Variants in COBL observed in about 807,000 individuals in gnomAD.
COBL encodes the protein protein cordon-bleu.
Under a neutral mutation model 98.8 loss-of-function variants are expected in COBL, and 51 were observed. The ratio of observed to expected loss-of-function variants is 0.52; its 90% CI spans 0.41 to 0.65. The LOEUF is 0.65. Ranked by LOEUF, COBL falls within the 30% of genes least tolerant of loss-of-function variation. COBL has a pLI of 0.00. For synonymous variants in COBL, 634 were observed against 651.7 expected (o/e 0.97, Z 0.41); for missense variants, 1,617 against 1,617.5 (o/e 1.00, Z 0.01).
chr7:51,269,828 T>C (rs1798594275), intron 1 of COBL, among the ~76,000 whole-genome samples: 1 of 152,186 alleles, frequency 6.6e-6, no homozygotes, highest in Admixed American at 6.5e-5. Flanking sequence ...CAAGAAACCC[T>C]GGTCAAGAGA....
intron 6 of COBL, among the ~76,000 whole-genome samples, chr7:51,113,100 A>C (rs934753941): frequency 6.6e-6 from 1 of 152,208 alleles, no homozygotes; most frequent in Non-Finnish European, 1.5e-5. Flanking sequence ...TTGGAGAGGT[A>C]CTGGTCCCAC....
At chr7:51,083,124 C>T (rs745397609) in intron 7 of COBL, 30 of 1,198,448 alleles carry the variant, frequency 2.5e-5, no homozygotes, top group Non-Finnish European at 3.1e-5. Context: ...GGCTCCACCA[C>T]GTCTGTGTCG....
chr7:51,199,913 C>G lies in COBL; in HGVS notation c.246-6324G>C, dbSNP rs1790956287. ...TACAGAGGGAAGTTGACATAAAGTCCTAAGATCTTCAAATATATTAAACAA... is the reference window on the plus strand; with the variant it reads ...TACAGAGGGAAGTTGACATAAAGTCGTAAGATCTTCAAATATATTAAACAA... On this transcript the variant is annotated intron_variant, in intron 2 of 12. Transcript: ENST00000265136. Among the ~76,000 whole-genome samples the G allele has an allele frequency of 4.6e-5, 7 of 151,962 alleles. No individual in the cohort carries two copies. In the South Asian group the frequency reaches 1.5e-3, roughly 32 times the overall value.
intron 5 of COBL, among the ~76,000 whole-genome samples, chr7:51,148,472 C>T (rs1364351561): frequency 1.3e-5 from 2 of 152,208 alleles, no homozygotes; most frequent in African/African-American, 4.8e-5. Context: ...TCCTGTTGCC[C>T]TCCATCTTCT....
At chr7:51,139,755 T>C (rs56160471) in intron 5 of COBL, among the ~76,000 whole-genome samples, 7,075 of 152,284 alleles carry the variant, frequency 0.046, 251 homozygotes, top group Middle Eastern at 0.11. Context: ...CACAGAATAA[T>C]GTGGGAGGAA....
intron 6 of COBL, among the ~76,000 whole-genome samples, chr7:51,134,790 A>G (rs1291224250): frequency 6.6e-6 from 1 of 152,206 alleles, no homozygotes; most frequent in Non-Finnish European, 1.5e-5. Context: ...CACACTGCAG[A>G]AAATCAGAAG....
At chr7:51,024,347 A>C (rs1325059791) in intron 12 of COBL, among the ~76,000 whole-genome samples, 9 of 152,222 alleles carry the variant, frequency 5.9e-5, no homozygotes, top group Non-Finnish European at 8.8e-5. Flanking sequence ...TAATAAAATA[A>C]AATAAAATCT....
At chr7:51,187,155 G>A in intron 4 of COBL, among the ~76,000 whole-genome samples, 1 of 152,000 alleles carries the variant, frequency 6.6e-6, no homozygotes, top group East Asian at 1.9e-4. Flanking sequence ...GACCCTTAAA[G>A]ACCAACGAGT....
At chr7:51,153,971 T>C (rs1218677113) in intron 5 of COBL, among the ~76,000 whole-genome samples, 2 of 152,184 alleles carry the variant, frequency 1.3e-5, no homozygotes, top group East Asian at 1.9e-4. Flanking sequence ...AGATGTGTCC[T>C]TCCATGGCGT....
chr7:51,155,631 G>A (rs1359079044), intron 5 of COBL, among the ~76,000 whole-genome samples: 2 of 139,130 alleles, frequency 1.4e-5, no homozygotes, highest in African/African-American at 5.3e-5. Flanking sequence ...AGACTGCACA[G>A]TTCCTATATA....
intron 7 of COBL, among the ~76,000 whole-genome samples, chr7:51,055,625 G>A (rs1284038300): frequency 6.6e-6 from 1 of 152,200 alleles, no homozygotes; most frequent in Non-Finnish European, 1.5e-5. Flanking sequence ...TGATTCAGTG[G>A]GGCTGGGGTG....
intron 1 of COBL, among the ~76,000 whole-genome samples, chr7:51,290,537 A>AT (rs1800799437): frequency 6.6e-6 from 1 of 152,192 alleles, no homozygotes; most frequent in South Asian, 2.1e-4. Context: ...ATAAACACAG[A>AT]TATCAGAACA....
chr7:51,137,618 G>GT (rs1259169090), intron 5 of COBL, among the ~76,000 whole-genome samples: 3 of 151,746 alleles, frequency 2.0e-5, no homozygotes, highest in Non-Finnish European at 4.4e-5. Flanking sequence ...TTGGCACAAA[G>GT]TAAGTACCCA....
At chr7:51,083,371 T>G in intron 7 of COBL, 1 of 597,182 alleles carries the variant, frequency 1.7e-6, no homozygotes, top group South Asian at 2.3e-5. Context: ...TCCAGTCATA[T>G]CCAGCACCTA....
At chr7:51,116,525 A>G (rs1295887897) in intron 6 of COBL, among the ~76,000 whole-genome samples, 10 of 152,188 alleles carry the variant, frequency 6.6e-5, no homozygotes, top group African/African-American at 2.4e-4. Flanking sequence ...AGACAATATT[A>G]TAATTTTTAA....
At chr7:51,074,367 T>C (rs1158778549) in intron 7 of COBL, among the ~76,000 whole-genome samples, 1 of 152,100 alleles carries the variant, frequency 6.6e-6, no homozygotes, top group African/African-American at 2.4e-5. Context: ...GGCTAATTTT[T>C]GTATTTTTAG....
chr7:51,203,306 C>G (rs1584155637), intron 2 of COBL, among the ~76,000 whole-genome samples: 1 of 137,566 alleles, frequency 7.3e-6, no homozygotes, highest in African/African-American at 3.1e-5. Context: ...ACTAAAAATA[C>G]AAAAAATTAG....
intron 10 of COBL, 68 bp from the exon 11 acceptor site, chr7:51,026,733 T>C: frequency 6.4e-7 from 1 of 1,566,494 alleles, no homozygotes; most frequent in Non-Finnish European, 8.7e-7. Flanking sequence ...ATGCAGCTCA[T>C]GAGAAAACCC....
Position 51,028,032 on chromosome 7 carries a change from G to A in COBL, c.3064C>T (p.Pro1022Ser), listed in dbSNP as rs1787747581. Residue 1022 changes from proline to serine, a missense_variant, in exon 10 of 13, where the codon CCC (proline) becomes TCC (serine). By Grantham distance (74) the Pro-to-Ser change is moderately conservative. Coordinates refer to ENST00000265136, the MANE Select transcript of COBL (RefSeq NM_015198.5). The stretch of plus-strand genomic sequence containing the variant: ...TGAGTGTCAGATGTGTGTGGAGGGG[G>A]TGGGTCTGTACCATCAGGTGCGCGT... ...PRRAPDGTDP[P>S]PPHTSDTQAC... 3.1e-6 allele frequency: 5 copies of A among 1,606,738 alleles called. No homozygotes were observed. Among genetic ancestry groups the A allele is most frequent in the Non-Finnish European group, 4.3e-6 (5 of 1,176,382 alleles).
Sources: gnomAD v4.1 joint callset for allele counts (sites outside exome capture counted in the v4.1 genomes callset) on GRCh38, gnomAD v4.1.1 for gene constraint, MANE v1.5 for transcripts, NCBI Gene and HGNC (gene_info 2026-07-23, HGNC 2026-07-21) for gene names.